GLB1: variants seen among roughly 807,000 people sequenced by gnomAD.
The protein encoded by GLB1 is galactosidase beta 1.
GLB1 carries 56 observed loss-of-function variants against 74.0 expected under a neutral mutation model. That is an observed-to-expected ratio of 0.76 (90% CI 0.61 to 0.94). The LOEUF (loss-of-function observed/expected upper bound fraction) is 0.94. Ranked by LOEUF, GLB1 falls within the 40% of genes least tolerant of loss-of-function variation. The probability of loss-of-function intolerance (pLI) is 0.00; values close to 1 mark genes in which losing one functional copy is unlikely to be tolerated. For synonymous variants in GLB1, 323 were observed against 323.6 expected (o/e 1.00, Z 0.02); for missense variants, 787 against 845.5 (o/e 0.93, Z 0.86).
intron 6 of GLB1, among the ~76,000 whole-genome samples, chr3:33,054,577 CAT>C (rs1190267829): frequency 6.6e-6 from 1 of 152,180 alleles, no homozygotes; most frequent in African/African-American, 2.4e-5. Context: ...ACACCATACA[CAT>C]GATACTACCA....
At chr3:33,003,944 C>T (rs1217246387) in intron 15 of GLB1, among the ~76,000 whole-genome samples, 1 of 151,996 alleles carries the variant, frequency 6.6e-6, no homozygotes, top group Non-Finnish European at 1.5e-5. Flanking sequence ...GCAGGAGAAT[C>T]GCTTGAACCT....
rs2125523251 is a variant in GLB1 at position 33,052,018 on chromosome 3, A to C, written c.793-14T>G. On this transcript the variant is annotated splice_polypyrimidine_tract_variant and intron_variant, in intron 7 of 15. Coordinates refer to ENST00000307363, the MANE Select transcript of GLB1 (RefSeq NM_000404.4). ...TTCAGAATTGATCTAAAACAAAAAAAGAACGTAGCCCTTAGGATAGACTTA... is the reference window on the plus strand; with the variant it reads ...TTCAGAATTGATCTAAAACAAAAAACGAACGTAGCCCTTAGGATAGACTTA... The C allele has an allele frequency of 6.2e-7, 1 of 1,613,678 alleles. No homozygotes were observed. The highest frequency in any genetic ancestry group is 2.2e-5 in the East Asian group (1 of 44,890).
chr3:33,084,090 GCACCCTACA>G (rs1700420107), intron 1 of GLB1, among the ~76,000 whole-genome samples: 1 of 152,042 alleles, frequency 6.6e-6, no homozygotes, highest in Non-Finnish European at 1.5e-5. Flanking sequence ...TTAATCCCCA[GCACCCTACA>G]CACCCCTACA....
chr3:33,039,038 G>A (rs1698398005), intron 10 of GLB1, among the ~76,000 whole-genome samples: 1 of 151,900 alleles, frequency 6.6e-6, no homozygotes, highest in African/African-American at 2.4e-5. Context: ...ATACCTCTAA[G>A]CCCAGCACTT....
the GLB1 span, among the ~76,000 whole-genome samples, chr3:32,982,422 A>G: frequency 2.8e-3 from 420 of 152,052 alleles, 4 homozygotes; most frequent in African/African-American, 1.0e-2. Flanking sequence ...TTTAATTTTC[A>G]AAGTTTAAAA....
the GLB1 span, among the ~76,000 whole-genome samples, chr3:32,981,090 CAAAAAAAA>C: frequency 1.7e-4 from 8 of 46,298 alleles, no homozygotes; most frequent in Non-Finnish European, 2.5e-4. Context: ...GACTCCGTCT[CAAAAAAAA>C]AAAAAAAAAA....
chr3:32,978,624 G>C, the GLB1 span, among the ~76,000 whole-genome samples: 1 of 152,198 alleles, frequency 6.6e-6, no homozygotes, highest in East Asian at 1.9e-4. Flanking sequence ...TGGAGGCCTT[G>C]CTTGGCCAAC....
At chr3:33,096,793 G>A in intron 1 of GLB1, 1 of 1,345,970 alleles carries the variant, frequency 7.4e-7, no homozygotes. Flanking sequence ...ACGCACAAGC[G>A]ACCGAGCTGC....
At position 33,095,235 on chromosome 3, in the gene GLB1, AG is replaced by A. The variant is rs1559424890; in HGVS notation, c.75+1775del. The stretch of plus-strand genomic sequence containing the variant: ...CAAAAAAAAAAAAAAAAAAAAAAAA[AG>A]GAATATTCTCTTAATTTCTAGGACA... On this transcript the variant is annotated intron_variant, in intron 1 of 15. Coordinates refer to ENST00000307363, the MANE Select transcript of GLB1 (RefSeq NM_000404.4). 4.9e-3 allele frequency among the ~76,000 whole-genome samples: 691 copies of A among 140,416 alleles called. 7 individuals carry two copies. Among genetic ancestry groups the A allele is most frequent in the African/African-American group, 0.011 (407 of 38,530 alleles). The allele number at this position is 140,416 out of a possible 152,430, so 92.1% of individuals were successfully genotyped here. A position where few individuals can be genotyped will look rare whatever the true frequency, so the allele number is the denominator to read the frequency against.
the GLB1 span, among the ~76,000 whole-genome samples, chr3:32,973,047 C>T: frequency 2.6e-5 from 4 of 152,220 alleles, no homozygotes; most frequent in Non-Finnish European, 4.4e-5. Flanking sequence ...TTGTTTCTTA[C>T]TTCTGTAGTA....
Position 33,022,564 on chromosome 3 carries a change from AT to A in GLB1, c.1144-910del, listed in dbSNP as rs61013692. Reference sequence around the variant, plus strand: ...TTCCATGACTATAATACTGGTTAGGATTTTTTTTTTTTTTTTTTTGAGAGAG... The same window carrying A: ...TTCCATGACTATAATACTGGTTAGGATTTTTTTTTTTTTTTTTTGAGAGAG... On this transcript the variant is annotated intron_variant, in intron 11 of 15. Coordinates refer to ENST00000307363, the MANE Select transcript of GLB1 (RefSeq NM_000404.4). 4.9e-4 allele frequency among the ~76,000 whole-genome samples: 31 copies of A among 63,764 alleles called. 1 individual carries two copies. Among genetic ancestry groups the A allele is most frequent in the South Asian group, 2.2e-3 (2 of 890 alleles). 41.8% of individuals were successfully genotyped at this position (63,764 alleles called of 152,430 possible).
intron 10 of GLB1, among the ~76,000 whole-genome samples, chr3:33,043,361 C>G (rs1698581934): frequency 6.6e-6 from 1 of 152,090 alleles, no homozygotes. Flanking sequence ...GCTCCCGTTG[C>G]CTAAATTCAC....
rs1217860857 is a variant in GLB1, at chr3:33,030,417, C to CTT, written c.1069-6094_1069-6093dup. The CTT allele has an allele frequency of 2.4e-4, 207 of 868,418 alleles. 1 individual carries two copies. The highest frequency in any genetic ancestry group is 4.3e-4 in the Admixed American group (7 of 16,120). 53.8% of individuals were successfully genotyped at this position (868,418 alleles called of 1,614,324 possible). A position where few individuals can be genotyped will look rare whatever the true frequency, so the allele number is the denominator to read the frequency against. ...CAGTACTACAAGAGAGCAGGTGACA[C>CTT]TTTAAAAGACTATTTAACAGTTGCT... On this transcript the variant is annotated intron_variant, in intron 10 of 15. Coordinates refer to ENST00000307363, the MANE Select transcript of GLB1 (RefSeq NM_000404.4).
chr3:33,095,099 T>C (rs777346582), intron 1 of GLB1, among the ~76,000 whole-genome samples: 6 of 150,420 alleles, frequency 4.0e-5, no homozygotes, highest in African/African-American at 7.4e-5. Flanking sequence ...TAATCCCAGC[T>C]ACTCGGGAGG....
At chr3:32,964,909 A>G in the GLB1 span, among the ~76,000 whole-genome samples, 3 of 152,180 alleles carry the variant, frequency 2.0e-5, no homozygotes, top group Admixed American at 6.5e-5. Context: ...GTGATAGTGA[A>G]TAAGTCTCAT....
At chr3:33,038,191 C>T (rs1698362024) in intron 10 of GLB1, among the ~76,000 whole-genome samples, 1 of 152,132 alleles carries the variant, frequency 6.6e-6, no homozygotes, top group South Asian at 2.1e-4. Flanking sequence ...CTTCTGTGAG[C>T]CCCTCCAACA....
At chr3:33,070,155 G>A (rs183874946) in intron 2 of GLB1, among the ~76,000 whole-genome samples, 1 of 152,196 alleles carries the variant, frequency 6.6e-6, no homozygotes, top group African/African-American at 2.4e-5. Flanking sequence ...TGTGATTTTT[G>A]TAGTATTCCA....
chr3:33,063,917 G>A (rs1699552980), intron 5 of GLB1, among the ~76,000 whole-genome samples: 1 of 152,034 alleles, frequency 6.6e-6, no homozygotes, highest in Admixed American at 6.5e-5. Flanking sequence ...GCCTCAGAAC[G>A]GACACCCTGG....
intron 3 of GLB1, among the ~76,000 whole-genome samples, 185 bp downstream of exon 3, chr3:33,068,635 C>T (rs577438378): frequency 1.3e-5 from 2 of 152,170 alleles, no homozygotes; most frequent in Admixed American, 1.3e-4. Context: ...AAGAGGAGAG[C>T]CCATGCCCTG....
Sources: gnomAD v4.1 joint callset for allele counts (sites outside exome capture counted in the v4.1 genomes callset) on GRCh38, gnomAD v4.1.1 for gene constraint, MANE v1.5 for transcripts, NCBI Gene and HGNC (gene_info 2026-07-23, HGNC 2026-07-21) for gene names.